DRC9: variants seen among roughly 807,000 people sequenced by gnomAD.
DRC9 encodes dynein regulatory complex protein 9.
the DRC9 span, among the ~76,000 whole-genome samples, chr3:197,892,423 G>C: frequency 6.6e-6 from 1 of 152,234 alleles, no homozygotes; most frequent in South Asian, 2.1e-4. Flanking sequence ...AAAGAATCCT[G>C]GTGGCTTATA....
At chr3:197,925,414 G>A in the DRC9 span, among the ~76,000 whole-genome samples, 1 of 129,084 alleles carries the variant, frequency 7.7e-6, no homozygotes, top group African/African-American at 3.0e-5. Flanking sequence ...TGTTTGTGGG[G>A]TGGGATATGA....
chr3:197,920,555 C>A, the DRC9 span, among the ~76,000 whole-genome samples: 11 of 152,180 alleles, frequency 7.2e-5, no homozygotes, highest in East Asian at 1.9e-3. Flanking sequence ...GGCAAAACTC[C>A]GTCTCTACTA....
At chr3:197,960,108 T>A in the DRC9 span, 4 of 868,082 alleles carry the variant, frequency 4.6e-6, no homozygotes, top group South Asian at 3.5e-5. Context: ...TGCGGCGAAC[T>A]TCTAGCGGGT....
the DRC9 span, among the ~76,000 whole-genome samples, chr3:197,935,773 G>A: frequency 2.6e-5 from 4 of 151,986 alleles, no homozygotes; most frequent in Admixed American, 6.6e-5. Flanking sequence ...GTGAGCCACC[G>A]CCTGCAGCCA....
the DRC9 span, among the ~76,000 whole-genome samples, chr3:197,930,109 C>A: frequency 6.6e-6 from 1 of 152,060 alleles, no homozygotes; most frequent in African/African-American, 2.4e-5. Context: ...AATCCTAGCA[C>A]TTTGGGAGGC....
chr3:197,932,001 A>G, the DRC9 span, among the ~76,000 whole-genome samples: 1 of 152,200 alleles, frequency 6.6e-6, no homozygotes, highest in South Asian at 2.1e-4. Context: ...ATGAAGTCCT[A>G]GAAATCTGAC....
At chr3:197,912,861 G>C in the DRC9 span, 1 of 842,028 alleles carries the variant, frequency 1.2e-6, no homozygotes, top group Non-Finnish European at 2.0e-6. Context: ...TACCAGCTGG[G>C]ATCCCGGGCT....
At chr3:197,910,982 C>CAAAAAAAAAAAAA in the DRC9 span, among the ~76,000 whole-genome samples, 13 of 61,388 alleles carry the variant, frequency 2.1e-4, no homozygotes, top group Non-Finnish European at 2.5e-4. Context: ...AAAAACAAAA[C>CAAAAAAAAAAAAA]AAAAAAAAAA....
chr3:197,955,717 C>T, the DRC9 span: 2 of 1,554,216 alleles, frequency 1.3e-6, no homozygotes, highest in African/African-American at 1.4e-5. Flanking sequence ...ATATAACATT[C>T]ACCTAATGTT....
chr3:197,911,732 T>C, the DRC9 span, among the ~76,000 whole-genome samples: 1 of 151,810 alleles, frequency 6.6e-6, no homozygotes, highest in Non-Finnish European at 1.5e-5. Context: ...CTCTGCCTCC[T>C]GGGTTCAAGC....
chr3:197,913,648 C>A, the DRC9 span: 1 of 604,166 alleles, frequency 1.7e-6, no homozygotes, highest in Non-Finnish European at 2.9e-6. Flanking sequence ...AAAGTGCAGC[C>A]AATTTTCAAA....
chr3:197,937,029 G>C, the DRC9 span, among the ~76,000 whole-genome samples: 3 of 152,186 alleles, frequency 2.0e-5, no homozygotes, highest in Non-Finnish European at 4.4e-5. Flanking sequence ...AGTTCTCTTT[G>C]GCAACGACTC....
the DRC9 span, among the ~76,000 whole-genome samples, chr3:197,915,349 G>C: frequency 2.0e-5 from 3 of 151,996 alleles, no homozygotes; most frequent in African/African-American, 7.2e-5. Flanking sequence ...AGTGAGGGTT[G>C]AGGGGAGGAC....
chr3:197,956,652 CTTGTT>C, the DRC9 span: 2 of 130,334 alleles, frequency 1.5e-5, no homozygotes, highest in African/African-American at 3.0e-5. Flanking sequence ...AAGACAAGGT[CTTGTT>C]TTGTTGCTTG....
At chr3:197,941,340 CCTCTGTCT>C in the DRC9 span, among the ~76,000 whole-genome samples, 3 of 83,814 alleles carry the variant, frequency 3.6e-5, no homozygotes, top group African/African-American at 2.8e-4. Context: ...CTCTCTCTCC[CCTCTGTCT>C]CTTTCTTTCC....
chr3:197,939,414 T>C, the DRC9 span, among the ~76,000 whole-genome samples: 2 of 152,218 alleles, frequency 1.3e-5, no homozygotes, highest in Admixed American at 1.3e-4. Context: ...AGAACCAAAC[T>C]TGAATATTAA....
At chr3:197,910,767 G>A in the DRC9 span, among the ~76,000 whole-genome samples, 1 of 152,088 alleles carries the variant, frequency 6.6e-6, no homozygotes, top group African/African-American at 2.4e-5. Context: ...ATTACCTGAG[G>A]TCAGGAGTTC....
chr3:197,953,364 A>G, the DRC9 span: 2 of 447,310 alleles, frequency 4.5e-6, no homozygotes, highest in African/African-American at 4.0e-5. Context: ...TGACAAGACA[A>G]CCCCGTGGTC....
the DRC9 span, chr3:197,892,631 C>G: frequency 6.2e-7 from 1 of 1,614,122 alleles, no homozygotes; most frequent in Non-Finnish European, 8.5e-7. Flanking sequence ...TCCTTACCAT[C>G]TTTGCCAGGT....
Sources: gnomAD v4.1 joint callset for allele counts (sites outside exome capture counted in the v4.1 genomes callset) on GRCh38, gnomAD v4.1.1 for gene constraint, MANE v1.5 for transcripts, NCBI Gene and HGNC (gene_info 2026-07-23, HGNC 2026-07-21) for gene names.